CFAP299: variants seen among roughly 807,000 people sequenced by gnomAD.
CFAP299 encodes cilia and flagella associated protein 299, also known as cilia- and flagella-associated protein 299.
A neutral mutation model predicts 27.0 loss-of-function variants in CFAP299; 21 were observed. That is an observed-to-expected ratio of 0.78 (90% CI 0.55 to 1.12). The LOEUF is 1.12. CFAP299 is among the 50% of genes most tolerant of loss of function. The pLI is 0.00. For synonymous variants in CFAP299, 104 were observed against 98.1 expected, an observed-to-expected ratio of 1.06 and a Z score of -0.36; for missense variants, 310 against 276.6, an observed-to-expected ratio of 1.12 and a Z score of -0.86.
chr4:80,734,199 G>T (rs1363206828), intron 3 of CFAP299, among the ~76,000 whole-genome samples: 3 of 152,158 alleles, frequency 2.0e-5, no homozygotes, highest in South Asian at 2.1e-4. Context: ...GTTTTGATTT[G>T]CATTTCTCTG....
chr4:80,606,474 G>T (rs935856666), intron 3 of CFAP299, among the ~76,000 whole-genome samples: 6 of 152,166 alleles, frequency 3.9e-5, no homozygotes, highest in Non-Finnish European at 8.8e-5. Flanking sequence ...AGCAGAGGTT[G>T]CAGTGTGCCA....
intron 3 of CFAP299, among the ~76,000 whole-genome samples, chr4:80,623,683 C>T (rs1738724981): frequency 6.6e-6 from 1 of 152,126 alleles, no homozygotes; most frequent in Non-Finnish European, 1.5e-5. Flanking sequence ...ACACCATTTC[C>T]TCAGGGAAAA....
At chr4:80,899,791 G>A (rs941741471) in intron 4 of CFAP299, among the ~76,000 whole-genome samples, 1 of 152,144 alleles carries the variant, frequency 6.6e-6, no homozygotes, top group Non-Finnish European at 1.5e-5. Context: ...AAGTTACCTG[G>A]CTTACTCTCT....
chr4:80,425,355 G>T (rs1443918406), intron 2 of CFAP299, among the ~76,000 whole-genome samples: 1 of 152,136 alleles, frequency 6.6e-6, no homozygotes, highest in African/African-American at 2.4e-5. Context: ...CTTAGGTCTT[G>T]CTCCTGGTAA....
intron 3 of CFAP299, among the ~76,000 whole-genome samples, chr4:80,686,556 G>A (rs1720208651): frequency 1.3e-5 from 2 of 152,100 alleles, no homozygotes; most frequent in Non-Finnish European, 2.9e-5. Context: ...AATGCTGCCC[G>A]AGTTCTCATA....
At chr4:80,785,355 A>G (rs1247356852) in intron 3 of CFAP299, among the ~76,000 whole-genome samples, 11 of 152,112 alleles carry the variant, frequency 7.2e-5, no homozygotes, top group Admixed American at 7.2e-4. Flanking sequence ...TACCAATGGT[A>G]TTTCATTCAC....
intron 2 of CFAP299, among the ~76,000 whole-genome samples, chr4:80,554,528 AT>A (rs1487388212): frequency 9.2e-6 from 1 of 108,240 alleles, no homozygotes; most frequent in Non-Finnish European, 1.8e-5. Context: ...TTTTTTTGTC[AT>A]GTGAAGAATG....
At chr4:80,430,278 C>T (rs139986506) in intron 2 of CFAP299, among the ~76,000 whole-genome samples, 6 of 152,262 alleles carry the variant, frequency 3.9e-5, no homozygotes, top group African/African-American at 9.6e-5. Context: ...ATAAACAAAA[C>T]AAACAAATCC....
chr4:80,838,832 T>C lies in CFAP299; in HGVS notation c.334-31161T>C, dbSNP rs187333437. ...TGTATTTTTTAACCTATTGAGTGGA[T>C]ATGTTGCCTAAACATTAGAAAAAAG... On this transcript the variant is annotated intron_variant, in intron 3 of 5. Transcript: ENST00000358105. Among the ~76,000 whole-genome samples, 9 of 152,182 alleles carry C rather than the reference T, an allele frequency of 5.9e-5. No individual in the cohort carries two copies. In the East Asian group the frequency reaches 1.3e-3, roughly 23 times the overall value.
At chr4:80,735,666 A>G (rs983869893) in intron 3 of CFAP299, among the ~76,000 whole-genome samples, 3 of 152,148 alleles carry the variant, frequency 2.0e-5, no homozygotes, top group South Asian at 2.1e-4. Flanking sequence ...ACTTTATTAA[A>G]TGCTTTCTCA....
At chr4:80,799,924 ATATT>A (rs1728293775) in intron 3 of CFAP299, among the ~76,000 whole-genome samples, 1 of 45,016 alleles carries the variant, frequency 2.2e-5, no homozygotes, top group Admixed American at 4.2e-4. Context: ...TATAATATAT[ATATT>A]TATATATTAT....
At chr4:80,737,748 GA>G (rs1307428135) in intron 3 of CFAP299, among the ~76,000 whole-genome samples, 1 of 151,292 alleles carries the variant, frequency 6.6e-6, no homozygotes, top group African/African-American at 2.4e-5. Context: ...AAAAAAAGAA[GA>G]AAAAAATTAA....
At chr4:80,931,937 T>G (rs1052539998) in intron 4 of CFAP299, among the ~76,000 whole-genome samples, 14 of 152,176 alleles carry the variant, frequency 9.2e-5, no homozygotes, top group African/African-American at 3.4e-4. Context: ...AAAGTCCCAC[T>G]TGGGAGTTTA....
At chr4:80,923,230 C>T (rs1434441375) in intron 4 of CFAP299, among the ~76,000 whole-genome samples, 3 of 152,040 alleles carry the variant, frequency 2.0e-5, no homozygotes, top group Non-Finnish European at 4.4e-5. Flanking sequence ...AGACCTCACC[C>T]CAGTTTGTGG....
At chr4:80,703,742 A>G (rs932892926) in intron 3 of CFAP299, among the ~76,000 whole-genome samples, 1 of 151,594 alleles carries the variant, frequency 6.6e-6, no homozygotes, top group African/African-American at 2.4e-5. Flanking sequence ...ACACAATTTT[A>G]CCATCCAACA....
chr4:80,658,297 C>T (rs896288140), intron 3 of CFAP299, among the ~76,000 whole-genome samples: 1 of 152,096 alleles, frequency 6.6e-6, no homozygotes, highest in African/African-American at 2.4e-5. Flanking sequence ...AGAGGACATC[C>T]TTGTCTTGTG....
chr4:80,525,245 A>G (rs1733113199), intron 2 of CFAP299, among the ~76,000 whole-genome samples: 1 of 152,134 alleles, frequency 6.6e-6, no homozygotes, highest in Admixed American at 6.6e-5. Context: ...ACCTGCACTC[A>G]AGGGAAGAGG....
chr4:80,481,279 A>G, intron 2 of CFAP299, among the ~76,000 whole-genome samples: 1 of 152,238 alleles, frequency 6.6e-6, no homozygotes, highest in Admixed American at 6.5e-5. Flanking sequence ...CATATGCCAC[A>G]AAAACAAAAT....
intron 2 of CFAP299, among the ~76,000 whole-genome samples, chr4:80,475,867 G>A (rs1730249243): frequency 6.6e-6 from 1 of 152,204 alleles, no homozygotes; most frequent in Admixed American, 6.5e-5. Context: ...ATCAGTTGAA[G>A]AGGATGATCT....
Sources: allele counts gnomAD v4.1 joint callset (sites outside exome capture counted in the v4.1 genomes callset), GRCh38; gene constraint gnomAD v4.1.1; transcripts MANE v1.5; gene names NCBI Gene and HGNC (gene_info 2026-07-23, HGNC 2026-07-21).